Variants in IRF2 observed in about 807,000 individuals in gnomAD.
IRF2 encodes interferon regulatory factor 2.
IRF2 carries 15 observed loss-of-function variants against 40.6 expected under a neutral mutation model. The ratio of observed to expected loss-of-function variants is 0.37; its 90% CI spans 0.25 to 0.57. The LOEUF is 0.57. IRF2 is among the 20% of genes least tolerant of loss of function. The pLI is 0.77. For synonymous variants in IRF2, 151 were observed against 165.5 expected (o/e 0.91, Z 0.67); for missense variants, 317 against 455.7 (o/e 0.70, Z 2.77).
chr4:184,470,263 C>T (rs1344360013), intron 1 of IRF2, among the ~76,000 whole-genome samples: 8 of 152,310 alleles, frequency 5.3e-5, no homozygotes, highest in African/African-American at 1.9e-4. Context: ...CGTTTATTTG[C>T]ATATATTACG....
intron 1 of IRF2, among the ~76,000 whole-genome samples, chr4:184,468,042 CT>C (rs1335064581): frequency 2.6e-5 from 4 of 152,204 alleles, no homozygotes; most frequent in African/African-American, 9.7e-5. Flanking sequence ...CAACTCCGCT[CT>C]TTCTTGCTTA....
chr4:184,459,348 C>T (rs188482624), intron 1 of IRF2, among the ~76,000 whole-genome samples: 4 of 152,306 alleles, frequency 2.6e-5, no homozygotes, highest in Admixed American at 6.5e-5. Context: ...GGCTACAATA[C>T]ACTGAGCAGG....
chr4:184,389,996 C>T (rs894080440), intron 8 of IRF2, among the ~76,000 whole-genome samples: 10 of 152,188 alleles, frequency 6.6e-5, no homozygotes, highest in South Asian at 2.1e-4. Context: ...TGTATGGGAG[C>T]GTGTACATCT....
intron 2 of IRF2, among the ~76,000 whole-genome samples, chr4:184,426,304 C>G (rs1230383638): frequency 6.6e-6 from 1 of 152,228 alleles, no homozygotes; most frequent in Non-Finnish European, 1.5e-5. Flanking sequence ...GCGTGAGCCA[C>G]TGCGCCCAGC....
intron 7 of IRF2, among the ~76,000 whole-genome samples, chr4:184,394,215 G>T (rs1736363527): frequency 6.6e-6 from 1 of 152,132 alleles, no homozygotes; most frequent in Admixed American, 6.5e-5. Context: ...CATCTAGGGT[G>T]GGAGGGAAGG....
At chr4:184,407,529 T>C (rs928920966) in intron 6 of IRF2, among the ~76,000 whole-genome samples, 1 of 152,170 alleles carries the variant, frequency 6.6e-6, no homozygotes, top group Non-Finnish European at 1.5e-5. Flanking sequence ...CAATCTAAAT[T>C]TGGTGCCTTG....
chr4:184,446,446 C>A (rs957782947), intron 1 of IRF2, among the ~76,000 whole-genome samples: 4 of 152,144 alleles, frequency 2.6e-5, no homozygotes, highest in African/African-American at 9.7e-5. Context: ...GGAGCCAGAA[C>A]AGGGAGGTGA....
intron 7 of IRF2, among the ~76,000 whole-genome samples, chr4:184,392,999 G>A (rs765862584): frequency 3.9e-5 from 6 of 152,078 alleles, no homozygotes; most frequent in Admixed American, 2.0e-4. Context: ...TGACGTTGCC[G>A]AGCACAAGAA....
At chr4:184,468,512 C>T (rs1464629338) in intron 1 of IRF2, among the ~76,000 whole-genome samples, 1 of 151,834 alleles carries the variant, frequency 6.6e-6, no homozygotes, top group Admixed American at 6.6e-5. Context: ...AAGGAAAATT[C>T]AATGTATCAC....
rs1561084640 is a variant in IRF2 at position 184,398,666 on chromosome 4, A to AATAAATAAAT, written c.694+248_694+249insATTTATTTAT. 7.3e-4 allele frequency among the ~76,000 whole-genome samples: 107 copies of AATAAATAAAT among 147,152 alleles called. 2 individuals carry two copies. Among genetic ancestry groups the AATAAATAAAT allele is most frequent in the African/African-American group, 2.6e-3 (102 of 39,898 alleles). Reference sequence around the variant, plus strand: ...GCGAGACTCTGTCTCAAAAAAAAAAAAAATAAATAAATAAATAAAAAATGT... The same window carrying AATAAATAAAT: ...GCGAGACTCTGTCTCAAAAAAAAAAAATAAATAAATAAATAAATAAATAAATAAAAAATGT... On this transcript the variant is annotated intron_variant, in intron 7 of 8. Transcript: ENST00000393593.
At chr4:184,397,260 T>C (rs1346542848) in intron 7 of IRF2, among the ~76,000 whole-genome samples, 2 of 152,190 alleles carry the variant, frequency 1.3e-5, no homozygotes, top group Non-Finnish European at 2.9e-5. Flanking sequence ...AGCACTATGA[T>C]TCCACTCATA....
chr4:184,433,236 C>T (rs1044990880), intron 1 of IRF2, among the ~76,000 whole-genome samples: 10 of 152,156 alleles, frequency 6.6e-5, no homozygotes, highest in African/African-American at 2.4e-4. Flanking sequence ...ACAGGAATCC[C>T]AAGTCAGTGG....
chr4:184,419,493 A>C lies in IRF2; in HGVS notation c.163T>G (p.Phe55Val). ...CCTGTATGGATTGCCCAGTTTCTAAAGAGTGGTGCATCTTTTTCCACATCC... is the reference window on the plus strand; with the variant it reads ...CCTGTATGGATTGCCCAGTTTCTAACGAGTGGTGCATCTTTTTCCACATCC... ...GWDVEKDAPLFRNWAIHTGKH... is the reference protein window; with the variant it reads ...GWDVEKDAPLVRNWAIHTGKH... The change falls in exon 3 of 9, where the codon TTT becomes GTT. Residue 55 changes from phenylalanine (F) to valine (V), a missense_variant. By Grantham distance (50) the Phe-to-Val change is conservative (BLOSUM62 -1). Around this residue, in one of 2 missense-constraint regions of IRF2, gnomAD observed 55 missense variants for 121.7 expected, o/e 0.45. Transcript: ENST00000393593. 1 of 1,611,682 alleles carries C rather than the reference A, an allele frequency of 6.2e-7. No individual in the cohort carries two copies. The highest frequency in any genetic ancestry group is 8.5e-7 in the Non-Finnish European group (1 of 1,178,386).
At chr4:184,457,775 C>T (rs550304818) in intron 1 of IRF2, among the ~76,000 whole-genome samples, 3 of 152,186 alleles carry the variant, frequency 2.0e-5, no homozygotes, top group South Asian at 4.2e-4. Flanking sequence ...GCGACACGCC[C>T]TGCTGCTAAC....
chr4:184,460,963 A>T (rs1446375430), intron 1 of IRF2, among the ~76,000 whole-genome samples: 1 of 152,212 alleles, frequency 6.6e-6, no homozygotes, highest in Non-Finnish European at 1.5e-5. Context: ...CACTAATGGG[A>T]AGCCTTAAAA....
At chr4:184,430,189 C>T (rs1029589382) in intron 1 of IRF2, among the ~76,000 whole-genome samples, 2 of 152,168 alleles carry the variant, frequency 1.3e-5, no homozygotes, top group African/African-American at 4.8e-5. Context: ...TTCCTCTCTC[C>T]TCTATTCCCT....
chr4:184,403,643 A>G (rs1371793301), intron 6 of IRF2, among the ~76,000 whole-genome samples: 1 of 152,130 alleles, frequency 6.6e-6, no homozygotes, highest in East Asian at 1.9e-4. Context: ...GCCTTACCCA[A>G]CTCCAAATTT....
At chr4:184,451,188 A>C (rs1418976167) in intron 1 of IRF2, among the ~76,000 whole-genome samples, 2 of 152,254 alleles carry the variant, frequency 1.3e-5, no homozygotes, top group African/African-American at 4.8e-5. Flanking sequence ...TGAAGAAAGA[A>C]GAAACTCTAA....
At chr4:184,449,635 A>G (rs1260497858) in intron 1 of IRF2, among the ~76,000 whole-genome samples, 6 of 152,352 alleles carry the variant, frequency 3.9e-5, no homozygotes, top group African/African-American at 1.2e-4. Context: ...AACTGCCATC[A>G]AAAGAAGCGT....
Sources: allele counts gnomAD v4.1 joint callset (sites outside exome capture counted in the v4.1 genomes callset), GRCh38; gene constraint gnomAD v4.1.1; regional missense constraint gnomAD v4.1.1; transcripts MANE v1.5; gene names NCBI Gene and HGNC (gene_info 2026-07-23, HGNC 2026-07-21).